The following SH3BP5L variants were observed in gnomAD, a reference collection of about 807,000 sequenced individuals.
SH3BP5L encodes SH3 binding domain protein 5 like, also known as SH3 domain-binding protein 5-like.
Under a neutral mutation model 40.9 loss-of-function variants are expected in SH3BP5L, and 16 were observed. That is an observed-to-expected ratio of 0.39 (90% CI 0.27 to 0.59). The LOEUF (loss-of-function observed/expected upper bound fraction) is 0.59, where lower values mean the gene tolerates loss of function less well. Ranked by LOEUF, SH3BP5L falls within the 20% of genes least tolerant of loss-of-function variation. SH3BP5L has a pLI of 0.53. For missense variants in SH3BP5L, 471 were observed against 544.6 expected, an observed-to-expected ratio of 0.86 and a Z score of 1.35; for synonymous variants, 229 against 226.7, an observed-to-expected ratio of 1.01 and a Z score of -0.09.
At position 248,811,894 on chromosome 1, in the gene SH3BP5L, C is replaced by G; in HGVS notation, c.*6G>C. ...CAGATTCAAGCCAGGAACCCTGGCC[C>G]CTCGGCTACAGGCTGACGCTGCGCT... On this transcript the variant is annotated 3_prime_UTR_variant, in exon 7 of 7. Coordinates refer to ENST00000366472, the MANE Select transcript of SH3BP5L (RefSeq NM_030645.3). 4.0e-6 allele frequency: 6 copies of G among 1,507,662 alleles called. No homozygotes were observed. The highest frequency in any genetic ancestry group is 5.3e-6 in the Non-Finnish European group (6 of 1,123,248). The allele number at this position is 1,507,662 out of a possible 1,614,324, so 93.4% of individuals were successfully genotyped here.
Position 248,825,272 on chromosome 1 carries a change from G to T in SH3BP5L, c.-337C>A. 1 of 1,045,386 alleles carries T rather than the reference G, an allele frequency of 9.6e-7. No individual in the cohort carries two copies. The highest frequency in any genetic ancestry group is 1.2e-6 in the Non-Finnish European group (1 of 868,098). 64.8% of individuals were successfully genotyped at this position (1,045,386 alleles called of 1,614,324 possible). A position where few individuals can be genotyped will look rare whatever the true frequency, so the allele number is the denominator to read the frequency against. ...AGGCCTGCTAGGAGGAGCACCATTCGGGAGGGTGGAGGCAGGCGCCTCCAG... is the reference window on the plus strand; with the variant it reads ...AGGCCTGCTAGGAGGAGCACCATTCTGGAGGGTGGAGGCAGGCGCCTCCAG... On this transcript the variant is annotated 5_prime_UTR_variant, in exon 2 of 7. Coordinates refer to ENST00000366472, the MANE Select transcript of SH3BP5L (RefSeq NM_030645.3).
chr1:248,812,045 TGCAGGTCTGAA>T lies in SH3BP5L; in HGVS notation c.1026_1036del (p.Ser343GlufsTer57). The T allele has an allele frequency of 6.2e-7, 1 of 1,612,924 alleles. No individual in the cohort carries two copies. Among genetic ancestry groups the T allele is most frequent in the Non-Finnish European group, 8.5e-7 (1 of 1,179,654 alleles). ...CAAGTGCTCCACGGAGTCGCACTTC[TGCAGGTCTGAA>T]GCCACCGTGCGCAGGCTCAGCAGAC... is the stretch of plus-strand genomic sequence containing the variant. On this transcript the variant is annotated frameshift_variant, in exon 7 of 7. Transcript: ENST00000366472. LOFTEE classifies it high-confidence loss of function. The surrounding 1 kb of genome is among the most constrained non-coding windows in gnomAD (Gnocchi z 6.1).
At chr1:248,824,007 A>C (rs980694309) in intron 2 of SH3BP5L, among the ~76,000 whole-genome samples, 3 of 152,150 alleles carry the variant, frequency 2.0e-5, no homozygotes, top group Admixed American at 2.0e-4. Context: ...GGTCTTCCTC[A>C]CTGACTACCC....
chr1:248,819,702 C>CAAAAAA (rs34840808), intron 2 of SH3BP5L, among the ~76,000 whole-genome samples: 2 of 72,724 alleles, frequency 2.8e-5, no homozygotes, highest in Admixed American at 1.6e-4. Context: ...GACTCAGTCT[C>CAAAAAA]AAAAAAAAAA....
intron 2 of SH3BP5L, among the ~76,000 whole-genome samples, chr1:248,822,776 C>T (rs1664284286): frequency 6.6e-6 from 1 of 151,968 alleles, no homozygotes; most frequent in Non-Finnish European, 1.5e-5. Flanking sequence ...AATTCTCCTG[C>T]CTCAACCCCC....
At chr1:248,816,275 A>G (rs6657667) in intron 4 of SH3BP5L, 75,403 of 452,360 alleles carry the variant, frequency 0.17, 11,104 homozygotes, top group African/African-American at 0.54. Flanking sequence ...TTCCTGATAC[A>G]CAGAAGGCAC....
chr1:248,812,427 G>A lies in SH3BP5L; in HGVS notation c.712-57C>T. The A allele has an allele frequency of 2.2e-6, 3 of 1,360,052 alleles. No homozygotes were observed. Among genetic ancestry groups the A allele is most frequent in the African/African-American group, 1.4e-5 (1 of 70,200 alleles). The allele number at this position is 1,360,052 out of a possible 1,614,324, so 84.2% of individuals were successfully genotyped here. On this transcript the variant is annotated intron_variant, in intron 6 of 6. Transcript: ENST00000366472. The surrounding 1 kb of genome is among the most constrained non-coding windows in gnomAD (Gnocchi z 6.1). ...ATGGGGCACGTCTCCACCTTCCTCA[G>A]CACTCTGCACTGAGGTCTGAGGGCC...
chr1:248,814,714 C>T (rs1362176847), intron 4 of SH3BP5L, 104 bp from the exon 5 acceptor site: 1 of 1,152,186 alleles, frequency 8.7e-7, no homozygotes, highest in Non-Finnish European at 1.3e-6. Context: ...GGCCTACTAG[C>T]AATGTCGGCT....
chr1:248,813,185 G>C, intron 5 of SH3BP5L, 23 bp from the exon 6 acceptor site: 1 of 1,517,846 alleles, frequency 6.6e-7, no homozygotes, highest in Non-Finnish European at 8.9e-7. Context: ...ACACATCACT[G>C]AGCCAGGACC....
intron 4 of SH3BP5L, 97 bp downstream of exon 4, chr1:248,816,436 AG>A: frequency 6.6e-7 from 1 of 1,514,994 alleles, no homozygotes. Flanking sequence ...CTCTGCCCTC[AG>A]GGTCTGGTGT....
Position 248,825,122 on chromosome 1 carries a change from G to C in SH3BP5L, c.-187C>G. On this transcript the variant is annotated 5_prime_UTR_variant, in exon 2 of 7. Transcript: ENST00000366472. ...AGGTTGAGATTCAAGTTGTCAGTGG[G>C]GTTCCTAGAGCTGAAGCCTTGTCTG... 5.0e-6 allele frequency: 7 copies of C among 1,392,848 alleles called. No individual in the cohort carries two copies. The highest frequency in any genetic ancestry group is 6.5e-6 in the Non-Finnish European group (7 of 1,077,372). The allele number at this position is 1,392,848 out of a possible 1,614,324, so 86.3% of individuals were successfully genotyped here.
chr1:248,816,588 C>T lies in SH3BP5L; in HGVS notation c.321G>A (p.Gly107=), dbSNP rs1664112239. The change falls in exon 4 of 7, where the codon GGG becomes GGA. Residue 107 remains glycine, a synonymous_variant. Transcript: ENST00000366472. The part of the protein sequence containing the change: ...RKLNTQGSHL[G]SCIEKARPYY... ...AGGGCCGGGCTTTCTCGATGCAGCTCCCCAAGTGGGAACCCTGTGTATTCA... is the reference window on the plus strand; with the variant it reads ...AGGGCCGGGCTTTCTCGATGCAGCTTCCCAAGTGGGAACCCTGTGTATTCA... 1 of 1,614,138 alleles carries T rather than the reference C, an allele frequency of 6.2e-7. No individual in the cohort carries two copies. Among genetic ancestry groups the T allele is most frequent in the Non-Finnish European group, 8.5e-7 (1 of 1,180,026 alleles).
intron 4 of SH3BP5L, 45 bp from the exon 5 acceptor site, chr1:248,814,655 A>C (rs1664050955): frequency 6.2e-7 from 1 of 1,607,580 alleles, no homozygotes; most frequent in African/African-American, 1.3e-5. Flanking sequence ...GAGGGACCCC[A>C]GCTGCCCATG....
At position 248,812,183 on chromosome 1, in the gene SH3BP5L, T is replaced by C; in HGVS notation, c.899A>G (p.Asp300Gly). 6.3e-7 allele frequency: 1 copy of C among 1,598,332 alleles called. No individual in the cohort carries two copies. Among genetic ancestry groups the C allele is most frequent in the South Asian group, 1.1e-5 (1 of 89,658 alleles). Residue 300 changes from aspartate to glycine, a missense_variant, in exon 7 of 7, where the codon GAC (aspartate) becomes GGC (glycine). Asp to Gly is a moderately conservative substitution (Grantham distance 94, BLOSUM62 -1). Transcript: ENST00000366472. The surrounding 1 kb of genome is among the most constrained non-coding windows in gnomAD (Gnocchi z 6.1). ...SPVGAEAGPE[D>G]MEDGDSGIEG... ...AATCCCGCTGTCTCCGTCCTCCATG[T>C]CCTCGGGTCCTGCCTCGGCCCCCAC...
In SH3BP5L at chr1:248,825,259, A is replaced by G. The variant is rs1395890967; in HGVS notation, c.-324T>C. The G allele has an allele frequency of 9.3e-7, 1 of 1,075,264 alleles. No homozygotes were observed. The highest frequency in any genetic ancestry group is 1.1e-6 in the Non-Finnish European group (1 of 886,386). 66.6% of individuals were successfully genotyped at this position (1,075,264 alleles called of 1,614,324 possible). On this transcript the variant is annotated 5_prime_UTR_variant, in exon 2 of 7. Coordinates refer to ENST00000366472, the MANE Select transcript of SH3BP5L (RefSeq NM_030645.3). ...GGATCCTGGACCGAGGCCTGCTAGGAGGAGCACCATTCGGGAGGGTGGAGG... is the reference window on the plus strand; with the variant it reads ...GGATCCTGGACCGAGGCCTGCTAGGGGGAGCACCATTCGGGAGGGTGGAGG...
At position 248,812,207 on chromosome 1, in the gene SH3BP5L, A is replaced by C; in HGVS notation, c.875T>G (p.Val292Gly). The C allele has an allele frequency of 6.2e-7, 1 of 1,604,052 alleles. No homozygotes were observed. The highest frequency in any genetic ancestry group is 8.5e-7 in the Non-Finnish European group (1 of 1,176,372). ...HPLGPRRSSP[V>G]GAEAGPEDME... ...GTCCTCGGGTCCTGCCTCGGCCCCCACGGGGGAGGAGCGCCGAGGGCCCAG... is the reference window on the plus strand; with the variant it reads ...GTCCTCGGGTCCTGCCTCGGCCCCCCCGGGGGAGGAGCGCCGAGGGCCCAG... The change falls in exon 7 of 7, where the codon GTG (valine) becomes GGG (glycine). Residue 292 changes from valine (V) to glycine (G), a missense_variant. Physicochemically the swap from Val to Gly is moderately radical, Grantham distance 109. This residue lies in a region of SH3BP5L where 196 missense variants were observed against 174.6 expected (regional missense o/e 1.12). Transcript: ENST00000366472. This position sits in a 1 kb window ranked among gnomAD's most constrained non-coding sequence, Gnocchi z 6.1.
intron 2 of SH3BP5L, among the ~76,000 whole-genome samples, chr1:248,818,248 C>T (rs964271330): frequency 6.6e-6 from 1 of 151,628 alleles, no homozygotes; most frequent in Non-Finnish European, 1.5e-5. Flanking sequence ...CTTGGGAGGC[C>T]GAGGCACGAA....
chr1:248,824,712 A>C (rs539713252), intron 2 of SH3BP5L, 41 bp downstream of exon 2: 2 of 1,603,740 alleles, frequency 1.2e-6, no homozygotes, highest in South Asian at 2.2e-5. Context: ...GGGAGGCTGG[A>C]ATCTGGGCTC....
chr1:248,821,792 C>T lies in SH3BP5L; in HGVS notation c.183+2961G>A, dbSNP rs372771032. On this transcript the variant is annotated intron_variant, in intron 2 of 6. Coordinates refer to ENST00000366472, the MANE Select transcript of SH3BP5L (RefSeq NM_030645.3). This position sits in a 1 kb window ranked among gnomAD's most constrained non-coding sequence, Gnocchi z 4.6. The stretch of plus-strand genomic sequence containing the variant: ...AGCAGCCTTCCCTGGAGGGACAGCA[C>T]GCTCCAGGTAGGCACCAGCTGACTT... 2.6e-5 allele frequency among the ~76,000 whole-genome samples: 4 copies of T among 152,168 alleles called. No individual in the cohort carries two copies. The highest frequency in any genetic ancestry group is 4.8e-5 in the African/African-American group (2 of 41,426).
Sources: gnomAD v4.1 joint callset for allele counts (sites outside exome capture counted in the v4.1 genomes callset) on GRCh38, gnomAD v4.1.1 for gene constraint, gnomAD v4.1.1 regional missense constraint, Gnocchi (gnomAD v3.1) non-coding constraint, MANE v1.5 for transcripts, NCBI Gene and HGNC (gene_info 2026-07-23, HGNC 2026-07-21) for gene names.